GFRA1: variants seen among roughly 807,000 people sequenced by gnomAD.
GFRA1 encodes GDNF family receptor alpha-1.
In GFRA1, 16 loss-of-function variants were observed where a neutral mutation model predicts 51.6. The observed-to-expected ratio is 0.31, with a 90% CI of 0.21 to 0.47. The LOEUF (loss-of-function observed/expected upper bound fraction) is 0.47, where lower values mean the gene tolerates loss of function less well. Among genes scored for constraint, GFRA1 ranks in the 20% least tolerant of loss-of-function variants. The pLI is 1.00. For synonymous variants in GFRA1, 270 were observed against 241.3 expected, an observed-to-expected ratio of 1.12 and a Z score of -1.10; for missense variants, 530 against 594.3, an observed-to-expected ratio of 0.89 and a Z score of 1.13.
rs866183239 is a variant in GFRA1 at position 116,086,789 on chromosome 10, C to T, written c.1197+2952G>A. Among the ~76,000 whole-genome samples the T allele has an allele frequency of 5.3e-5, 8 of 152,222 alleles. No homozygotes were observed. In the South Asian group the frequency reaches 1.7e-3, roughly 32 times the overall value. On this transcript the variant is annotated intron_variant, in intron 9 of 10. Coordinates refer to ENST00000355422, the MANE Select transcript of GFRA1 (RefSeq NM_005264.8). ...CTCTGCCAAGGAGTTAAACAGCAGC[C>T]CAGAGATAAACGTCATGCTTTACTT...
At chr10:116,094,366 A>C (rs564657657) in intron 7 of GFRA1, among the ~76,000 whole-genome samples, 2 of 152,250 alleles carry the variant, frequency 1.3e-5, no homozygotes, top group South Asian at 4.1e-4. Flanking sequence ...GATCTAAATA[A>C]AGTCTTCCAC....
intron 5 of GFRA1, among the ~76,000 whole-genome samples, chr10:116,126,620 G>A (rs536792351): frequency 6.6e-6 from 1 of 152,354 alleles, no homozygotes; most frequent in Admixed American, 6.5e-5. Flanking sequence ...ATGATGAGGT[G>A]TAGTAGTGAT....
intron 5 of GFRA1, among the ~76,000 whole-genome samples, chr10:116,128,108 G>A (rs911973313): frequency 1.3e-5 from 2 of 152,128 alleles, no homozygotes; most frequent in African/African-American, 4.8e-5. Context: ...CAGTAATACA[G>A]GCCTGCCAAA....
chr10:116,202,008 A>G (rs190146106), intron 5 of GFRA1, among the ~76,000 whole-genome samples: 1 of 152,362 alleles, frequency 6.6e-6, no homozygotes, highest in Non-Finnish European at 1.5e-5. Context: ...AAGCATGTAC[A>G]TACACTCAGC....
chr10:116,201,360 GT>G (rs1238142538), intron 5 of GFRA1, among the ~76,000 whole-genome samples: 1 of 152,104 alleles, frequency 6.6e-6, no homozygotes, highest in Non-Finnish European at 1.5e-5. Flanking sequence ...AAAACAGAGG[GT>G]TTTTTGCAGT....
chr10:116,185,775 G>A (rs558884170), intron 5 of GFRA1, among the ~76,000 whole-genome samples: 9 of 152,196 alleles, frequency 5.9e-5, no homozygotes, highest in South Asian at 4.2e-4. Flanking sequence ...TCATTTGCAC[G>A]GGAATTCTAA....
intron 6 of GFRA1, among the ~76,000 whole-genome samples, chr10:116,116,862 C>A (rs778265063): frequency 1.1e-4 from 16 of 152,184 alleles, no homozygotes; most frequent in Non-Finnish European, 1.5e-4. Context: ...GTCTACCTCT[C>A]TTTAAAAACT....
At chr10:116,249,920 T>C (rs1009726198) in intron 4 of GFRA1, among the ~76,000 whole-genome samples, 4 of 152,042 alleles carry the variant, frequency 2.6e-5, no homozygotes, top group East Asian at 1.9e-4. Flanking sequence ...AAACAGGAAA[T>C]GTAATAAAGA....
chr10:116,156,285 A>G (rs1343455557), intron 5 of GFRA1, among the ~76,000 whole-genome samples: 1 of 152,226 alleles, frequency 6.6e-6, no homozygotes, highest in Non-Finnish European at 1.5e-5. Context: ...AAAGGAGGAA[A>G]TGACAGGTCA....
chr10:116,140,694 C>A (rs1958526392), intron 5 of GFRA1, among the ~76,000 whole-genome samples: 1 of 152,088 alleles, frequency 6.6e-6, no homozygotes, highest in East Asian at 1.9e-4. Context: ...ATGTCTAAAT[C>A]TATTTCTTGA....
chr10:116,236,613 C>G (rs2134602195), intron 4 of GFRA1, among the ~76,000 whole-genome samples: 1 of 152,212 alleles, frequency 6.6e-6, no homozygotes. Context: ...TAAACATATA[C>G]CATGTGTCTC....
chr10:116,206,091 G>A (rs1964733874), intron 5 of GFRA1, among the ~76,000 whole-genome samples: 1 of 152,168 alleles, frequency 6.6e-6, no homozygotes, highest in Non-Finnish European at 1.5e-5. Flanking sequence ...ACAGAGGAGT[G>A]TGACTGGGGA....
rs1481352359 is a variant in GFRA1, at chr10:116,062,382, TTAAA to T, written c.*2012_*2015del. On this transcript the variant is annotated 3_prime_UTR_variant, in exon 11 of 11. Coordinates refer to ENST00000355422, the MANE Select transcript of GFRA1 (RefSeq NM_005264.8). ...GAGTCTTTATAGATCTTTTCACTAA[TTAAA>T]TACAGTTGGGTGTCTGCTGAATTTC... 2 of 353,898 alleles carry T rather than the reference TTAAA, an allele frequency of 5.7e-6. No individual in the cohort carries two copies. The highest frequency in any genetic ancestry group is 4.2e-5 in the African/African-American group (2 of 47,820). The allele number at this position is 353,898 out of a possible 1,614,324, so 21.9% of individuals were successfully genotyped here. A position where few individuals can be genotyped will look rare whatever the true frequency, so the allele number is the denominator to read the frequency against.
chr10:116,243,423 A>T (rs1056139194), intron 4 of GFRA1, among the ~76,000 whole-genome samples: 1 of 152,092 alleles, frequency 6.6e-6, no homozygotes, highest in African/African-American at 2.4e-5. Context: ...GGTACTTCTC[A>T]TTTCTTCTGG....
chr10:116,142,792 C>A (rs1328674913), intron 5 of GFRA1, among the ~76,000 whole-genome samples: 1 of 152,166 alleles, frequency 6.6e-6, no homozygotes, highest in African/African-American at 2.4e-5. Context: ...TATTTATCTA[C>A]AAATTAACAA....
At chr10:116,267,219 G>A (rs1165033078) in intron 4 of GFRA1, among the ~76,000 whole-genome samples, 1 of 152,070 alleles carries the variant, frequency 6.6e-6, no homozygotes, top group Non-Finnish European at 1.5e-5. Flanking sequence ...AATCCCAGCA[G>A]TTTGGGAGGC....
chr10:116,125,613 C>T, intron 5 of GFRA1, 56 bp from the exon 6 acceptor site: 1 of 1,366,334 alleles, frequency 7.3e-7, no homozygotes, highest in Non-Finnish European at 1.0e-6. Context: ...GTGTTCTCAC[C>T]TACTCTGTTT....
chr10:116,187,753 G>A (rs1225550633), intron 5 of GFRA1, among the ~76,000 whole-genome samples: 2 of 152,152 alleles, frequency 1.3e-5, no homozygotes, highest in Non-Finnish European at 2.9e-5. Flanking sequence ...AAGGGCAGCA[G>A]TTGAAATGTA....
intron 5 of GFRA1, among the ~76,000 whole-genome samples, chr10:116,138,595 A>C (rs553209147): frequency 1.4e-4 from 21 of 151,992 alleles, no homozygotes; most frequent in Non-Finnish European, 2.4e-4. Context: ...CCTAGAACAC[A>C]TACTTCCAAG....
Sources: allele counts gnomAD v4.1 joint callset (sites outside exome capture counted in the v4.1 genomes callset), GRCh38; gene constraint gnomAD v4.1.1; transcripts MANE v1.5; gene names NCBI Gene and HGNC (gene_info 2026-07-23, HGNC 2026-07-21).